GFRA1: variants seen among roughly 807,000 people sequenced by gnomAD.
The protein encoded by GFRA1 is GDNF family receptor alpha-1.
In GFRA1, 16 loss-of-function variants were observed where a neutral mutation model predicts 51.6. The ratio of observed to expected loss-of-function variants is 0.31; its 90% confidence interval spans 0.21 to 0.47. The LOEUF is 0.47. GFRA1 is among the 20% of genes least tolerant of loss of function. The probability of loss-of-function intolerance (pLI) is 1.00; values close to 1 mark genes in which losing one functional copy is unlikely to be tolerated. For missense variants in GFRA1, 530 were observed against 594.3 expected (o/e 0.89, Z 1.13); for synonymous variants, 270 against 241.3 (o/e 1.12, Z -1.10).
At chr10:116,227,152 C>T (rs746405726) in intron 4 of GFRA1, among the ~76,000 whole-genome samples, 6 of 152,164 alleles carry the variant, frequency 3.9e-5, no homozygotes, top group Admixed American at 6.5e-5. Context: ...ACCTCTGGCC[C>T]AGCTGGAACT....
intron 5 of GFRA1, among the ~76,000 whole-genome samples, chr10:116,205,926 T>TCTCACACA (rs1555167785): frequency 1.3e-4 from 18 of 142,584 alleles, no homozygotes; most frequent in African/African-American, 4.1e-4. Flanking sequence ...TTTCCTCATA[T>TCTCACACA]CACACACACA....
At chr10:116,147,788 G>A (rs1483381527) in intron 5 of GFRA1, among the ~76,000 whole-genome samples, 1 of 151,982 alleles carries the variant, frequency 6.6e-6, no homozygotes, top group African/African-American at 2.4e-5. Flanking sequence ...CTCTGCAAAA[G>A]GTCTCAGGTT....
In GFRA1 at chr10:116,158,354, T is replaced by G. The variant is rs1959372282; in HGVS notation, c.434-32797A>C. Among the ~76,000 whole-genome samples the G allele has an allele frequency of 2.0e-5, 3 of 152,110 alleles. No individual in the cohort carries two copies. The South Asian group carries it at 6.2e-4, about 32-fold the overall frequency. ...GTAAACTCCATGAGGGCTGGCACTG[T>G]GGATGGGCATAGTGCCTAGCTCAAA... On this transcript the variant is annotated intron_variant, in intron 5 of 10. Transcript: ENST00000355422.
At chr10:116,205,155 C>A (rs1364270811) in intron 5 of GFRA1, among the ~76,000 whole-genome samples, 1 of 152,198 alleles carries the variant, frequency 6.6e-6, no homozygotes, top group Non-Finnish European at 1.5e-5. Context: ...GAACCACTGT[C>A]ATGCAGCACA....
At chr10:116,182,945 G>A (rs1962373225) in intron 5 of GFRA1, among the ~76,000 whole-genome samples, 1 of 152,200 alleles carries the variant, frequency 6.6e-6, no homozygotes, top group Admixed American at 6.5e-5. Context: ...GGCAGTCCAG[G>A]TGTCTGTGAT....
chr10:116,265,155 C>T lies in GFRA1; in HGVS notation c.418+4348G>A, dbSNP rs569162566. ...TCCTGGAGCAAACCACTTCCAATTA[C>T]TTGGGAACGAATCTGGAGATCCTAA... On this transcript the variant is annotated intron_variant, in intron 4 of 10. Coordinates refer to ENST00000355422, the MANE Select transcript of GFRA1 (RefSeq NM_005264.8). Among the ~76,000 whole-genome samples the T allele has an allele frequency of 2.0e-5, 3 of 152,302 alleles. No homozygotes were observed. The South Asian group carries it at 6.2e-4, about 32-fold the overall frequency.
rs765895306 is a variant in GFRA1 at position 116,064,040 on chromosome 10, CATCATCATGATCATGATG to C, written c.*340_*357del. 6.9e-5 allele frequency: 5 copies of C among 72,328 alleles called. No individual in the cohort carries two copies. The highest frequency in any genetic ancestry group is 2.4e-4 in the South Asian group (1 of 4,172). The allele number at this position is 72,328 out of a possible 1,614,324, so 4.5% of individuals were successfully genotyped here. ...AGGCCAGAAGTAAAACTGTTAAAATCATCATCATGATCATGATGATCATCATCATGATCATGATGATCA... is the reference window on the plus strand; with the variant it reads ...AGGCCAGAAGTAAAACTGTTAAAATCATCATCATCATGATCATGATGATCA... On this transcript the variant is annotated 3_prime_UTR_variant, in exon 11 of 11. Transcript: ENST00000355422.
In GFRA1 at chr10:116,196,656, AT is replaced by A. The variant is rs1963854741; in HGVS notation, c.433+14974del. On this transcript the variant is annotated intron_variant, in intron 5 of 10. Coordinates refer to ENST00000355422, the MANE Select transcript of GFRA1 (RefSeq NM_005264.8). ...ATATAGTACTATATATAATATATAT[AT>A]AGTACTATATATAATATATATAATA... 7.5e-5 allele frequency among the ~76,000 whole-genome samples: 5 copies of A among 66,598 alleles called. 1 individual carries two copies. The highest frequency in any genetic ancestry group is 1.1e-4 in the Non-Finnish European group (4 of 36,520). 43.7% of individuals were successfully genotyped at this position (66,598 alleles called of 152,430 possible). A position where few individuals can be genotyped will look rare whatever the true frequency, so the allele number is the denominator to read the frequency against.
intron 5 of GFRA1, among the ~76,000 whole-genome samples, chr10:116,136,505 C>T (rs949577451): frequency 6.6e-6 from 1 of 152,108 alleles, no homozygotes; most frequent in East Asian, 1.9e-4. Flanking sequence ...CCACTTTGCA[C>T]CAGTGTATTG....
chr10:116,123,502 G>A (rs1019808013), intron 6 of GFRA1, among the ~76,000 whole-genome samples: 1 of 152,214 alleles, frequency 6.6e-6, no homozygotes, highest in Admixed American at 6.5e-5. Flanking sequence ...CATTATTACA[G>A]CTGGTTTAAG....
chr10:116,178,403 C>T (rs1289655377), intron 5 of GFRA1, among the ~76,000 whole-genome samples: 3 of 152,126 alleles, frequency 2.0e-5, no homozygotes, highest in Non-Finnish European at 4.4e-5. Context: ...TTGAATGTCT[C>T]TTGGCCAGAT....
chr10:116,161,885 A>T (rs1357463245), intron 5 of GFRA1, among the ~76,000 whole-genome samples: 1 of 152,250 alleles, frequency 6.6e-6, no homozygotes, highest in Non-Finnish European at 1.5e-5. Flanking sequence ...CAAAAGAAAA[A>T]ATTATAGGCC....
Position 116,064,127 on chromosome 10 carries a change from C to T in GFRA1, c.*271G>A. The T allele has an allele frequency of 2.6e-6, 1 of 380,588 alleles. No homozygotes were observed. The highest frequency in any genetic ancestry group is 2.1e-5 in the African/African-American group (1 of 48,532). 23.6% of individuals were successfully genotyped at this position (380,588 alleles called of 1,614,324 possible). ...TCATCGAAAACACAGCCCCAGTTTG[C>T]TTTACAGCCCAAGTTACAAACTGTC... On this transcript the variant is annotated 3_prime_UTR_variant, in exon 11 of 11. Coordinates refer to ENST00000355422, the MANE Select transcript of GFRA1 (RefSeq NM_005264.8).
At chr10:116,136,202 T>C (rs1958318598) in intron 5 of GFRA1, among the ~76,000 whole-genome samples, 3 of 152,248 alleles carry the variant, frequency 2.0e-5, no homozygotes. Context: ...CTTGCTTTTG[T>C]CTGATTTTCA....
At chr10:116,096,191 C>T (rs1001193702) in intron 7 of GFRA1, among the ~76,000 whole-genome samples, 6 of 152,150 alleles carry the variant, frequency 3.9e-5, no homozygotes, top group Admixed American at 2.0e-4. Context: ...GCAAGCAGGG[C>T]CCCTGTATTT....
intron 7 of GFRA1, among the ~76,000 whole-genome samples, 162 bp downstream of exon 7, chr10:116,096,491 TTC>T (rs1293984396): frequency 8.6e-5 from 8 of 92,764 alleles, no homozygotes; most frequent in East Asian, 2.5e-4. Flanking sequence ...TCTTTTTTTT[TTC>T]TTTTTTTTTA....
chr10:116,197,234 A>G (rs920498302), intron 5 of GFRA1, among the ~76,000 whole-genome samples: 2 of 152,094 alleles, frequency 1.3e-5, no homozygotes, highest in Non-Finnish European at 2.9e-5. Context: ...TTCAGGAATG[A>G]GATTAGGGCC....
At chr10:116,254,387 C>T (rs367547639) in intron 4 of GFRA1, among the ~76,000 whole-genome samples, 2 of 150,934 alleles carry the variant, frequency 1.3e-5, no homozygotes, top group Non-Finnish European at 3.0e-5. Flanking sequence ...GAAAGCATCT[C>T]CTGGTTAGAC....
intron 4 of GFRA1, among the ~76,000 whole-genome samples, chr10:116,228,303 G>A (rs543732352): frequency 7.5e-4 from 114 of 152,296 alleles, no homozygotes; most frequent in African/African-American, 2.6e-3. Context: ...TGATAAGGAA[G>A]TTTAAAGGTG....
Sources: allele counts gnomAD v4.1 joint callset (sites outside exome capture counted in the v4.1 genomes callset), GRCh38; gene constraint gnomAD v4.1.1; transcripts MANE v1.5; gene names NCBI Gene and HGNC (gene_info 2026-07-23, HGNC 2026-07-21).